The following SUPT3H variants were observed in gnomAD, a reference collection of about 807,000 sequenced individuals.
SUPT3H encodes the protein transcription initiation protein SPT3 homolog.
Under a neutral mutation model 44.3 loss-of-function variants are expected in SUPT3H, and 44 were observed. That is an observed-to-expected ratio of 0.99 (90% CI 0.78 to 1.28). SUPT3H has a LOEUF of 1.28. Among genes scored for constraint, SUPT3H ranks in the 50% most tolerant of loss-of-function variants. The pLI, the probability that SUPT3H is intolerant of heterozygous loss-of-function variation, is 0.00. For missense variants in SUPT3H, 380 were observed against 387.1 expected, an observed-to-expected ratio of 0.98 and a Z score of 0.15; for synonymous variants, 124 against 125.6, an observed-to-expected ratio of 0.99 and a Z score of 0.09.
intron 2 of SUPT3H, among the ~76,000 whole-genome samples, chr6:45,314,438 A>C (rs1784410493): frequency 6.6e-6 from 1 of 152,238 alleles, no homozygotes. Context: ...AAAAGAATTC[A>C]GTAAAGTTTC....
chr6:44,994,723 T>C (rs919506565), intron 6 of SUPT3H, among the ~76,000 whole-genome samples: 2 of 152,076 alleles, frequency 1.3e-5, no homozygotes, highest in South Asian at 2.1e-4. Flanking sequence ...TGTGCTCCTA[T>C]GTGAGAAATA....
chr6:44,934,518 T>C (rs1771104552), intron 9 of SUPT3H, among the ~76,000 whole-genome samples: 1 of 152,210 alleles, frequency 6.6e-6, no homozygotes, highest in Non-Finnish European at 1.5e-5. Flanking sequence ...CTATGGTAAG[T>C]CTTTGTGTTC....
intron 2 of SUPT3H, among the ~76,000 whole-genome samples, chr6:45,211,083 T>C (rs2153630439): frequency 6.6e-6 from 1 of 152,312 alleles, no homozygotes; most frequent in Non-Finnish European, 1.5e-5. Context: ...CTCATTTTAT[T>C]ACACTTCCAT....
At chr6:44,962,279 A>G (rs573847270) in intron 6 of SUPT3H, among the ~76,000 whole-genome samples, 2 of 152,328 alleles carry the variant, frequency 1.3e-5, no homozygotes, top group African/African-American at 2.4e-5. Context: ...TGACAAATCC[A>G]TATTTTAGAT....
intron 2 of SUPT3H, among the ~76,000 whole-genome samples, chr6:45,164,047 T>C (rs188161096): frequency 6.6e-6 from 1 of 152,230 alleles, no homozygotes; most frequent in East Asian, 1.9e-4. Flanking sequence ...AAAATCTGAG[T>C]AGCTGATACA....
At chr6:44,860,762 C>T (rs894967952) in intron 10 of SUPT3H, among the ~76,000 whole-genome samples, 17 of 152,006 alleles carry the variant, frequency 1.1e-4, no homozygotes, top group Non-Finnish European at 4.4e-5. Context: ...CATAAAAAAG[C>T]AAAGAAACTA....
chr6:45,180,673 A>G (rs920378460), intron 2 of SUPT3H, among the ~76,000 whole-genome samples: 51 of 152,160 alleles, frequency 3.4e-4, no homozygotes, highest in African/African-American at 1.2e-3. Flanking sequence ...ATATGTAGAA[A>G]GCTGAAACTG....
chr6:45,310,879 C>T (rs1365435074), intron 2 of SUPT3H, among the ~76,000 whole-genome samples: 2 of 152,150 alleles, frequency 1.3e-5, no homozygotes, highest in African/African-American at 2.4e-5. Context: ...TTCATCAACA[C>T]CCCCATAAAA....
At chr6:44,877,738 A>T (rs1332455309) in intron 10 of SUPT3H, among the ~76,000 whole-genome samples, 2 of 152,024 alleles carry the variant, frequency 1.3e-5, no homozygotes, top group Non-Finnish European at 2.9e-5. Flanking sequence ...CATTATGTTC[A>T]ATTTTTTTTT....
intron 2 of SUPT3H, among the ~76,000 whole-genome samples, chr6:45,164,443 CA>C (rs1205791714): frequency 4.6e-5 from 7 of 152,186 alleles, no homozygotes; most frequent in African/African-American, 1.7e-4. Context: ...ATCTAACTAC[CA>C]AGAATTACAA....
At chr6:44,865,832 TAA>T (rs897607834) in intron 10 of SUPT3H, among the ~76,000 whole-genome samples, 4 of 152,170 alleles carry the variant, frequency 2.6e-5, no homozygotes, top group Admixed American at 2.0e-4. Flanking sequence ...TCCAATCTTC[TAA>T]AGAGTTCTGC....
chr6:45,155,232 G>A lies in SUPT3H; in HGVS notation c.102-49226C>T, dbSNP rs148482551. The stretch of plus-strand genomic sequence containing the variant: ...ATGTTGTTTTACAATGAATTGTAAC[G>A]AAGTTCAAAGCTCTTACCACTTGCC... On this transcript the variant is annotated intron_variant, in intron 2 of 10. Transcript: ENST00000371459. Among the ~76,000 whole-genome samples, 412 of 152,212 alleles carry A rather than the reference G, an allele frequency of 2.7e-3. 4 individuals are homozygous for A. Among genetic ancestry groups the A allele is most frequent in the African/African-American group, 8.6e-3 (359 of 41,548 alleles).
chr6:45,351,649 T>C (rs999274740), intron 2 of SUPT3H, among the ~76,000 whole-genome samples: 1 of 152,026 alleles, frequency 6.6e-6, no homozygotes, highest in African/African-American at 2.4e-5. Flanking sequence ...TTCACTAAAA[T>C]CTCCAATCCC....
chr6:44,962,953 C>A (rs1261708937), intron 6 of SUPT3H, among the ~76,000 whole-genome samples: 1 of 151,908 alleles, frequency 6.6e-6, no homozygotes, highest in Non-Finnish European at 1.5e-5. Context: ...CACACATCCA[C>A]ATACTCACAA....
At chr6:45,301,612 A>G (rs1250916309) in intron 2 of SUPT3H, among the ~76,000 whole-genome samples, 1 of 152,084 alleles carries the variant, frequency 6.6e-6, no homozygotes, top group Non-Finnish European at 1.5e-5. Context: ...TTATGTCCCT[A>G]AAAATCCTGT....
At chr6:45,139,826 C>T (rs774989213) in intron 2 of SUPT3H, among the ~76,000 whole-genome samples, 14 of 152,028 alleles carry the variant, frequency 9.2e-5, no homozygotes, top group Non-Finnish European at 1.6e-4. Context: ...CTTAGGGAGG[C>T]GGTCACAGGG....
intron 2 of SUPT3H, among the ~76,000 whole-genome samples, chr6:45,305,755 G>C (rs1782891869): frequency 6.6e-6 from 1 of 152,128 alleles, no homozygotes; most frequent in Admixed American, 6.5e-5. Context: ...CTCCACACCT[G>C]CCCCAACCCC....
chr6:44,880,229 A>G (rs1387203171), intron 10 of SUPT3H, among the ~76,000 whole-genome samples: 4 of 152,102 alleles, frequency 2.6e-5, no homozygotes, highest in African/African-American at 9.7e-5. Flanking sequence ...AGAGAAGAAT[A>G]TAAATGACCT....
chr6:44,916,480 G>A (rs1388572426), intron 10 of SUPT3H, among the ~76,000 whole-genome samples: 1 of 152,142 alleles, frequency 6.6e-6, no homozygotes, highest in Non-Finnish European at 1.5e-5. Flanking sequence ...CCACACAAGG[G>A]CAAACATGCA....
Sources: allele counts gnomAD v4.1 joint callset (sites outside exome capture counted in the v4.1 genomes callset), GRCh38; gene constraint gnomAD v4.1.1; transcripts MANE v1.5; gene names NCBI Gene and HGNC (gene_info 2026-07-23, HGNC 2026-07-21).